Variants in TAOK3 observed in about 807,000 individuals in gnomAD.
The protein encoded by TAOK3 is serine/threonine-protein kinase TAO3.
Under a neutral mutation model 120.4 loss-of-function variants are expected in TAOK3, and 40 were observed. The observed-to-expected ratio is 0.33, with a 90% confidence interval of 0.26 to 0.43. TAOK3 has a LOEUF of 0.43. TAOK3 is among the 20% of genes least tolerant of loss of function. The pLI, the probability that TAOK3 is intolerant of heterozygous loss-of-function variation, is 1.00. For missense variants in TAOK3, 821 were observed against 1,112.1 expected, an observed-to-expected ratio of 0.74 and a Z score of 3.72; for synonymous variants, 355 against 387.5, an observed-to-expected ratio of 0.92 and a Z score of 0.99.
At chr12:118,239,111 C>T (rs1189806585) in intron 6 of TAOK3, 116 bp downstream of exon 6, 2 of 707,000 alleles carry the variant, frequency 2.8e-6, no homozygotes, top group Non-Finnish European at 5.1e-6. Context: ...ATCCACACCA[C>T]CCTAAAGCTC....
At chr12:118,238,245 A>C in intron 6 of TAOK3, 76 bp from the exon 7 acceptor site, 3 of 805,250 alleles carry the variant, frequency 3.7e-6, no homozygotes, top group Non-Finnish European at 6.1e-6. Flanking sequence ...CAGCTATACC[A>C]GACTGGGTTA....
intron 8 of TAOK3, among the ~76,000 whole-genome samples, chr12:118,233,992 A>C (rs1439505921): frequency 1.3e-5 from 2 of 152,078 alleles, no homozygotes; most frequent in Non-Finnish European, 2.9e-5. Flanking sequence ...TCCACCCCTT[A>C]CTATCAGTTT....
intron 1 of TAOK3, among the ~76,000 whole-genome samples, chr12:118,336,698 T>C (rs184319048): frequency 6.6e-6 from 1 of 152,224 alleles, no homozygotes; most frequent in East Asian, 1.9e-4. Flanking sequence ...ACCACATATC[T>C]GACAAAGGAC....
intron 9 of TAOK3, among the ~76,000 whole-genome samples, chr12:118,215,876 G>A (rs192536703): frequency 3.9e-5 from 6 of 151,934 alleles, no homozygotes; most frequent in East Asian, 1.9e-4. Context: ...GTGCCACCAC[G>A]CTGGACTAAT....
chr12:118,277,002 G>A (rs868058665), intron 1 of TAOK3, among the ~76,000 whole-genome samples: 31 of 152,190 alleles, frequency 2.0e-4, no homozygotes, highest in African/African-American at 7.0e-4. Flanking sequence ...GAGAGACTCC[G>A]TCTCAAACAA....
intron 11 of TAOK3, among the ~76,000 whole-genome samples, chr12:118,207,815 G>A (rs897700910): frequency 4.6e-5 from 7 of 151,276 alleles, no homozygotes; most frequent in South Asian, 2.1e-4. Flanking sequence ...AGACGAGATC[G>A]CGCCACTGCA....
intron 9 of TAOK3, among the ~76,000 whole-genome samples, chr12:118,232,598 C>T (rs1309154252): frequency 6.6e-6 from 1 of 152,108 alleles, no homozygotes; most frequent in African/African-American, 2.4e-5. Flanking sequence ...TCTGCTTCAA[C>T]TCCTTCAATT....
chr12:118,216,933 AAAAAAAAAAAAAAAG>A (rs888837205), intron 9 of TAOK3, among the ~76,000 whole-genome samples: 3 of 150,850 alleles, frequency 2.0e-5, no homozygotes, highest in Non-Finnish European at 4.4e-5. Context: ...CATCTCAAAA[AAAAAAAAAAAAAAAG>A]AAAAAGAAAA....
chr12:118,156,023 G>A (rs571624350), intron 19 of TAOK3, among the ~76,000 whole-genome samples: 5 of 152,106 alleles, frequency 3.3e-5, no homozygotes, highest in Non-Finnish European at 1.5e-5. Context: ...CACCGCGCCT[G>A]GTCTCTCCCA....
rs567867699 is a variant in TAOK3 at position 118,280,118 on chromosome 12, G to A, written c.-193-13359C>T. 2.0e-5 allele frequency among the ~76,000 whole-genome samples: 3 copies of A among 147,272 alleles called. No individual in the cohort carries two copies. The South Asian group carries it at 6.4e-4, about 31-fold the overall frequency. ...CGCTCTGTCGACAGGCTGGGGTGCA[G>A]TGGCGCCATCTTAGCTCACTGCAAC... is the stretch of plus-strand genomic sequence containing the variant. On this transcript the variant is annotated intron_variant, in intron 1 of 20. Coordinates refer to ENST00000392533, the MANE Select transcript of TAOK3 (RefSeq NM_016281.4).
Position 118,181,396 on chromosome 12 carries a change from T to C in TAOK3, c.1541A>G (p.Lys514Arg). 1 of 1,614,090 alleles carries C rather than the reference T, an allele frequency of 6.2e-7. No individual in the cohort carries two copies. The highest frequency in any genetic ancestry group is 8.5e-7 in the Non-Finnish European group (1 of 1,179,962). The change falls in exon 15 of 21, where the codon AAG becomes AGG. Residue 514 changes from lysine to arginine, a missense_variant. Lys to Arg is a conservative substitution (Grantham distance 26). Transcript: ENST00000392533. ...CTCCTTTTCTATGATAGCCACTTGC[T>C]TCTTGGCCAGCTTCTCCAGCTCGAT... ...SSIELEKLAKKQVAIIEKEAK... is the reference protein window; with the variant it reads ...SSIELEKLAKRQVAIIEKEAK...
chr12:118,325,978 C>A lies in TAOK3; in HGVS notation c.-194+46670G>T, dbSNP rs571000445. On this transcript the variant is annotated intron_variant, in intron 1 of 20. Coordinates refer to ENST00000392533, the MANE Select transcript of TAOK3 (RefSeq NM_016281.4). The stretch of plus-strand genomic sequence containing the variant: ...AACAAGCGTGAGCCACAGCACCCAG[C>A]CTGTCTCTTCACTTTGTTGATTGTT... Among the ~76,000 whole-genome samples, 4 of 152,296 alleles carry A rather than the reference C, an allele frequency of 2.6e-5. No homozygotes were observed. In the South Asian group the frequency reaches 8.3e-4, roughly 32 times the overall value.
chr12:118,152,047 G>T (rs1272559954), intron 20 of TAOK3, among the ~76,000 whole-genome samples, 180 bp downstream of exon 20: 1 of 152,090 alleles, frequency 6.6e-6, no homozygotes, highest in Non-Finnish European at 1.5e-5. Flanking sequence ...TGCGTGCCTT[G>T]GTGTTTCGGT....
intron 1 of TAOK3, among the ~76,000 whole-genome samples, chr12:118,341,593 T>C (rs1264665517): frequency 6.6e-6 from 1 of 152,218 alleles, no homozygotes; most frequent in Non-Finnish European, 1.5e-5. Context: ...TATGGACACA[T>C]GATCAAGTTA....
chr12:118,274,742 C>CAGTCACACAACATGACAA (rs1483733984), intron 1 of TAOK3, among the ~76,000 whole-genome samples: 1 of 152,116 alleles, frequency 6.6e-6, no homozygotes. Context: ...GATTCTCGTG[C>CAGTCACACAACATGACAA]CTCAATGTCC....
chr12:118,297,911 T>C lies in TAOK3; in HGVS notation c.-193-31152A>G, dbSNP rs557263143. Reference sequence around the variant, plus strand: ...TATGGGGGAAAAATAGTAACAATAATGAAGACTATAAGCACGCACCACCAC... The same window carrying C: ...TATGGGGGAAAAATAGTAACAATAACGAAGACTATAAGCACGCACCACCAC... On this transcript the variant is annotated intron_variant, in intron 1 of 20. Transcript: ENST00000392533. Among the ~76,000 whole-genome samples, 5 of 152,244 alleles carry C rather than the reference T, an allele frequency of 3.3e-5. No homozygotes were observed. In the South Asian group the frequency reaches 6.2e-4, roughly 19 times the overall value.
chr12:118,191,878 T>TATAG (rs1469647921), intron 13 of TAOK3, among the ~76,000 whole-genome samples: 1 of 152,222 alleles, frequency 6.6e-6, no homozygotes, highest in African/African-American at 2.4e-5. Context: ...TAGAGGCCTG[T>TATAG]GATTTTATAG....
intron 1 of TAOK3, among the ~76,000 whole-genome samples, chr12:118,269,718 G>T (rs2041622436): frequency 6.6e-6 from 1 of 151,896 alleles, no homozygotes; most frequent in South Asian, 2.1e-4. Flanking sequence ...CTTCATCTTT[G>T]GTTGCCAAGC....
intron 2 of TAOK3, among the ~76,000 whole-genome samples, chr12:118,261,838 C>T (rs146838905): frequency 6.6e-6 from 1 of 152,110 alleles, no homozygotes; most frequent in East Asian, 1.9e-4. Flanking sequence ...TACAGAAGAT[C>T]AACACATAAA....
Sources: gnomAD v4.1 joint callset for allele counts (sites outside exome capture counted in the v4.1 genomes callset) on GRCh38, gnomAD v4.1.1 for gene constraint, MANE v1.5 for transcripts, NCBI Gene and HGNC (gene_info 2026-07-23, HGNC 2026-07-21) for gene names.